The following RHNO1 variants were observed in gnomAD, a reference collection of about 807,000 sequenced individuals.
The protein encoded by RHNO1 is RAD9-HUS1-RAD1 interacting nuclear orphan 1.
A neutral mutation model predicts 7.2 loss-of-function variants in RHNO1; 9 were observed. That is an observed-to-expected ratio of 1.25 (90% CI 0.75 to 2.18). The LOEUF is 2.18. Among genes scored for constraint, RHNO1 ranks in the 30% most tolerant of loss-of-function variants. RHNO1 has a pLI of 0.00. For synonymous variants in RHNO1, 95 were observed against 107.5 expected (o/e 0.88, Z 0.72); for missense variants, 292 against 284.5 (o/e 1.03, Z -0.19).
chr12:2,883,072 A>C (rs7966092), intron 1 of RHNO1, among the ~76,000 whole-genome samples: 1 of 65,150 alleles, frequency 1.5e-5, no homozygotes, highest in African/African-American at 6.8e-5. Context: ...GTCTCAAAAA[A>C]AAAAAAAAAA....
chr12:2,878,297 T>A (rs2098151472), intron 1 of RHNO1, among the ~76,000 whole-genome samples: 1 of 152,160 alleles, frequency 6.6e-6, no homozygotes, highest in Non-Finnish European at 1.5e-5. Context: ...GAGAGCTTGG[T>A]GTGAGATCTG....
chr12:2,888,145 C>T lies in RHNO1; in HGVS notation c.403C>T (p.Gln135Ter). 1 of 1,614,006 alleles carries T rather than the reference C, an allele frequency of 6.2e-7. No homozygotes were observed. The change falls in exon 3 of 3, where the codon CAA (glutamine) becomes TAA (stop). Residue 135 changes from glutamine (Q) to a stop codon, truncating the protein, a stop_gained. Transcript: ENST00000489288. LOFTEE classifies it low-confidence loss of function (END_TRUNC). ...RRPLVPVLSP[Q>*]SCGNMSVQAL... ...ACCCTTAGTTCCAGTGCTCAGTCCC[C>T]AAAGCTGTGGGAACATGTCAGTGCA...
At position 2,885,321 on chromosome 12, in the gene RHNO1, G is replaced by A; in HGVS notation, c.-46G>A. The A allele has an allele frequency of 6.4e-7, 1 of 1,566,238 alleles. No homozygotes were observed. Among genetic ancestry groups the A allele is most frequent in the Non-Finnish European group, 8.7e-7 (1 of 1,152,462 alleles). On this transcript the variant is annotated 5_prime_UTR_variant, in exon 2 of 3. Coordinates refer to ENST00000489288, the MANE Select transcript of RHNO1 (RefSeq NM_001252499.3). ...TTGGAGCCTATCCCCCAACCCGAAG[G>A]CTAACAGCATCATGTGGTTACTAAC...
rs1001468904 is a variant in RHNO1, at chr12:2,888,557, T to C, written c.*98T>C. 9.4e-7 allele frequency: 1 copy of C among 1,064,620 alleles called. No individual in the cohort carries two copies. Among genetic ancestry groups the C allele is most frequent in the Non-Finnish European group, 1.3e-6 (1 of 762,900 alleles). 65.9% of individuals were successfully genotyped at this position (1,064,620 alleles called of 1,614,324 possible). ...TTGTTTTTGTTTTTGAGATGTAATA[T>C]TGCTCTGTTGCCCAGGCTGGAGTGC... On this transcript the variant is annotated 3_prime_UTR_variant, in exon 3 of 3. Transcript: ENST00000489288.
Position 2,888,298 on chromosome 12 carries a change from A to G in RHNO1, c.556A>G (p.Thr186Ala), listed in dbSNP as rs2098168057. The change falls in exon 3 of 3, where the codon ACT (threonine) becomes GCT (alanine). Residue 186 changes from threonine (T) to alanine (A), a missense_variant. By Grantham distance (58) the Thr-to-Ala change is moderately conservative. Transcript: ENST00000489288. ...CAGCCTTCTAAGCTGCACTCTTCAC[A>G]CTGGCACTCCTAATAGCCCAGAGCC... Reference protein sequence around the residue: ...ENSLLSCTLHTGTPNSPEPGP... With the variant: ...ENSLLSCTLHAGTPNSPEPGP... The G allele has an allele frequency of 2.5e-6, 4 of 1,614,106 alleles. No homozygotes were observed. The highest frequency in any genetic ancestry group is 2.2e-5 in the East Asian group (1 of 44,882).
intron 1 of RHNO1, among the ~76,000 whole-genome samples, chr12:2,879,037 TC>T (rs1468262885): frequency 2.9e-4 from 44 of 151,992 alleles, no homozygotes; most frequent in African/African-American, 1.0e-3. Flanking sequence ...TCTTGCTCTG[TC>T]CCCCAGGCTG....
chr12:2,883,198 A>G (rs1397598036), intron 1 of RHNO1, among the ~76,000 whole-genome samples: 1 of 151,426 alleles, frequency 6.6e-6, no homozygotes, highest in Non-Finnish European at 1.5e-5. Flanking sequence ...GGGCAATACA[A>G]CGAAACCCTA....
intron 1 of RHNO1, among the ~76,000 whole-genome samples, chr12:2,878,970 T>G (rs1170022081): frequency 2.1e-5 from 1 of 48,334 alleles, no homozygotes. Context: ...TCAGAATGAG[T>G]TTTTTTTTTA....
At chr12:2,883,223 C>T (rs937603750) in intron 1 of RHNO1, among the ~76,000 whole-genome samples, 3 of 150,414 alleles carry the variant, frequency 2.0e-5, no homozygotes, top group Admixed American at 1.3e-4. Context: ...TACAAAAATA[C>T]GAAAATTAGC....
At chr12:2,878,713 G>A (rs546559595) in intron 1 of RHNO1, among the ~76,000 whole-genome samples, 6 of 151,914 alleles carry the variant, frequency 3.9e-5, no homozygotes, top group African/African-American at 1.5e-4. Flanking sequence ...AGAGAAAGAA[G>A]GAGACAGAGA....
At chr12:2,881,537 CAAGTGAATGAAT>C (rs2098157596) in intron 1 of RHNO1, among the ~76,000 whole-genome samples, 2 of 152,022 alleles carry the variant, frequency 1.3e-5, no homozygotes, top group African/African-American at 2.4e-5. Flanking sequence ...AAATATTTCT[CAAGTGAATGAAT>C]GAGTGAATGA....
intron 2 of RHNO1, among the ~76,000 whole-genome samples, chr12:2,887,287 G>A (rs536910496): frequency 6.6e-6 from 1 of 152,130 alleles, no homozygotes; most frequent in South Asian, 2.1e-4. Context: ...AGGTCAGCCT[G>A]GTCAACATGG....
At chr12:2,885,561 A>T (rs7310128) in intron 2 of RHNO1, 27 bp downstream of exon 2, 114,057 of 398,296 alleles carry the variant, frequency 0.29, 17,354 homozygotes, top group Admixed American at 0.44. Flanking sequence ...ACTATTTGAC[A>T]TTTTTTTTTT....
At chr12:2,884,112 G>A (rs977599272) in intron 1 of RHNO1, among the ~76,000 whole-genome samples, 6 of 151,936 alleles carry the variant, frequency 3.9e-5, no homozygotes, top group Admixed American at 3.9e-4. Context: ...CCAGGCTGGA[G>A]TGCAGTGGTG....
intron 2 of RHNO1, 68 bp downstream of exon 2, chr12:2,885,602 T>C: frequency 7.6e-7 from 1 of 1,319,820 alleles, no homozygotes; most frequent in East Asian, 2.5e-5. Context: ...TGAGACGGAG[T>C]CTCGCTCTAT....
rs769149378 is a variant in RHNO1 at position 2,888,073 on chromosome 12, T to A, written c.331T>A (p.Leu111Ile). The A allele has an allele frequency of 6.2e-7, 1 of 1,614,128 alleles. No homozygotes were observed. The highest frequency in any genetic ancestry group is 8.5e-7 in the Non-Finnish European group (1 of 1,180,012). Reference protein sequence around the residue: ...SSSSETLGIPLIRECPSESEK... With the variant: ...SSSSETLGIPIIRECPSESEK... ...CAGTTCAGAGACATTGGGGATCCCC[T>A]TAATCCGAGAGTGCCCCAGTGAATC... The change falls in exon 3 of 3, where the codon TTA becomes ATA. Residue 111 changes from leucine (L) to isoleucine (I), a missense_variant. Physicochemically the swap from Leu to Ile is conservative, Grantham distance 5. Transcript: ENST00000489288.
In RHNO1 at chr12:2,883,070, A is replaced by AAAAAAAAAAAAAAC. The variant is rs1481922454; in HGVS notation, c.-84-2200_-84-2199insCAAAAAAAAAAAAA. The stretch of plus-strand genomic sequence containing the variant: ...TGACAGAGCAAGGCCCTGTCTCAAA[A>AAAAAAAAAAAAAAC]AAAAAAAAAAAAAAACACATAGAAA... On this transcript the variant is annotated intron_variant, in intron 1 of 2. Coordinates refer to ENST00000489288, the MANE Select transcript of RHNO1 (RefSeq NM_001252499.3). 5.2e-3 allele frequency among the ~76,000 whole-genome samples: 737 copies of AAAAAAAAAAAAAAC among 140,798 alleles called. 14 individuals carry two copies. Among genetic ancestry groups the AAAAAAAAAAAAAAC allele is most frequent in the African/African-American group, 0.019 (700 of 36,450 alleles). The allele number at this position is 140,798 out of a possible 152,430, so 92.4% of individuals were successfully genotyped here. A position where few individuals can be genotyped will look rare whatever the true frequency, so the allele number is the denominator to read the frequency against.
intron 1 of RHNO1, among the ~76,000 whole-genome samples, chr12:2,880,095 C>G (rs948280429): frequency 6.6e-6 from 1 of 151,934 alleles, no homozygotes; most frequent in Non-Finnish European, 1.5e-5. Flanking sequence ...AGGAGAATCA[C>G]TTGAGCCCAG....
intron 2 of RHNO1, among the ~76,000 whole-genome samples, chr12:2,887,526 G>T (rs2098167061): frequency 6.6e-6 from 1 of 151,532 alleles, no homozygotes; most frequent in South Asian, 2.1e-4. Context: ...GCAGGCGCCT[G>T]TAGTCCCAGC....
Sources: gnomAD v4.1 joint callset for allele counts (sites outside exome capture counted in the v4.1 genomes callset) on GRCh38, gnomAD v4.1.1 for gene constraint, MANE v1.5 for transcripts, NCBI Gene and HGNC (gene_info 2026-07-23, HGNC 2026-07-21) for gene names.